AIRE: variants seen among roughly 807,000 people sequenced by gnomAD.
AIRE encodes autoimmune polyendocrinopathy candidiasis ectodermal dystrophy protein.
AIRE carries 52 observed loss-of-function variants against 62.1 expected under a neutral mutation model. That is an observed-to-expected ratio of 0.84 (90% confidence interval 0.67 to 1.06). The LOEUF (loss-of-function observed/expected upper bound fraction) is 1.06. Among genes scored for constraint, AIRE ranks in the 50% least tolerant of loss-of-function variants. The pLI is 0.00. For synonymous variants in AIRE, 342 were observed against 321.6 expected (o/e 1.06, Z -0.68); for missense variants, 774 against 755.8 (o/e 1.02, Z -0.28).
At chr21:44,292,880 G>A in intron 9 of AIRE, 113 bp from the exon 10 acceptor site, 1 of 925,734 alleles carries the variant, frequency 1.1e-6, no homozygotes, top group Non-Finnish European at 1.7e-6. Context: ...CACCATGCCA[G>A]GCCTCTGCCC....
chr21:44,293,090 C>G lies in AIRE; in HGVS notation c.1193C>G (p.Pro398Arg), dbSNP rs754391375. Residue 398 changes from proline (P) to arginine (R), a missense_variant, in exon 10 of 14, where the codon CCG (proline) becomes CGG (arginine). Coordinates refer to ENST00000291582, the MANE Select transcript of AIRE (RefSeq NM_000383.4). The part of the protein sequence containing the change: ...MDTTLVYKHL[P>R]APPSAAPLPG... ...ACGACTCTTGTCTACAAGCACCTGC[C>G]GGCTCCGCCTTCTGCAGCCCCGCTG... 12 of 1,611,086 alleles carry G rather than the reference C, an allele frequency of 7.4e-6. No homozygotes were observed. Among genetic ancestry groups the G allele is most frequent in the East Asian group, 2.2e-5 (1 of 44,840 alleles).
Position 44,293,146 on chromosome 21 carries a change from C to T in AIRE, c.1249C>T (p.Leu417=), listed in dbSNP as rs1248107084. The change falls in exon 10 of 14, where the codon CTA becomes TTA. Residue 417 remains leucine (L), a synonymous_variant. Coordinates refer to ENST00000291582, the MANE Select transcript of AIRE (RefSeq NM_000383.4). ...PGLDSSALHP[L]LCVGPEGQQN... ...GCTGGACTCCTCGGCCCTGCACCCC[C>T]TACTGTGTGTGGGTCCTGAGGGTCA... 10 of 1,580,848 alleles carry T rather than the reference C, an allele frequency of 6.3e-6. No homozygotes were observed. The highest frequency in any genetic ancestry group is 8.6e-6 in the Non-Finnish European group (10 of 1,163,612).
intron 4 of AIRE, 76 bp from the exon 5 acceptor site, chr21:44,288,269 C>A: frequency 8.1e-7 from 1 of 1,235,112 alleles, no homozygotes; most frequent in Non-Finnish European, 1.2e-6. Context: ...CCCAGTGCTG[C>A]CTGCTTCTGG....
At chr21:44,296,720 C>A (rs1023077987) in intron 13 of AIRE, among the ~76,000 whole-genome samples, 5 of 144,618 alleles carry the variant, frequency 3.5e-5, no homozygotes, top group African/African-American at 1.3e-4. Flanking sequence ...CCCTCCCCAA[C>A]AAGAGCCCCC....
At chr21:44,292,530 T>G in intron 9 of AIRE, 129 bp downstream of exon 9, 4 of 666,424 alleles carry the variant, frequency 6.0e-6, no homozygotes, top group Non-Finnish European at 8.0e-6. Flanking sequence ...GCCCCAGCCA[T>G]AGCACTATGT....
rs936060777 is a variant in AIRE, at chr21:44,286,851, G to A, written c.307+120G>A. ...AGCCCGTGGGTGATGTTCCAGGACC[G>A]TCTTGGATCCTAAGAGGCAAAGGGG... On this transcript the variant is annotated intron_variant, in intron 2 of 13. Coordinates refer to ENST00000291582, the MANE Select transcript of AIRE (RefSeq NM_000383.4). This position sits in a 1 kb window ranked among gnomAD's most constrained non-coding sequence, Gnocchi z 6.0. 1.2e-5 allele frequency: 19 copies of A among 1,564,880 alleles called. No individual in the cohort carries two copies. Among genetic ancestry groups the A allele is most frequent in the Middle Eastern group, 1.8e-4 (1 of 5,708 alleles).
rs1048575175 is a variant in AIRE at position 44,294,393 on chromosome 21, T to C, written c.1401-8T>C. The C allele has an allele frequency of 6.4e-7, 1 of 1,551,652 alleles. No homozygotes were observed. The highest frequency in any genetic ancestry group is 8.7e-7 in the Non-Finnish European group (1 of 1,154,232). Reference sequence around the variant, plus strand: ...CCAGGGCTGGCAGCCCCTCATCCTCTGCTGCAGGACGGGCCTGCGCTGCAG... The same window carrying C: ...CCAGGGCTGGCAGCCCCTCATCCTCCGCTGCAGGACGGGCCTGCGCTGCAG... On this transcript the variant is annotated splice_polypyrimidine_tract_variant and splice_region_variant and intron_variant, in intron 11 of 13. Coordinates refer to ENST00000291582, the MANE Select transcript of AIRE (RefSeq NM_000383.4).
intron 12 of AIRE, among the ~76,000 whole-genome samples, chr21:44,295,965 G>C (rs546240527): frequency 6.6e-6 from 1 of 152,206 alleles, no homozygotes; most frequent in South Asian, 2.1e-4. Flanking sequence ...GGGGGTGCCT[G>C]CCTGGGGACC....
Position 44,287,139 on chromosome 21 carries a change from C to G in AIRE, c.463+6C>G, listed in dbSNP as rs2146376456. 1 of 1,612,052 alleles carries G rather than the reference C, an allele frequency of 6.2e-7. No individual in the cohort carries two copies. The highest frequency in any genetic ancestry group is 8.5e-7 in the Non-Finnish European group (1 of 1,179,872). ...AAGGGGCACCGCCAGCCCAGGTACC[C>G]TCCCTGCAGGGGAAGCCAGCCAGGG... On this transcript the variant is annotated splice_donor_region_variant and intron_variant, in intron 3 of 13. Transcript: ENST00000291582. The surrounding 1 kb of genome is among the most constrained non-coding windows in gnomAD (Gnocchi z 4.3).
chr21:44,296,485 C>G (rs752306669), intron 13 of AIRE, 40 bp downstream of exon 13: 3 of 1,572,584 alleles, frequency 1.9e-6, no homozygotes, highest in Admixed American at 3.3e-5. Flanking sequence ...CTCCACTCCC[C>G]CTCCCCTGCC....
intron 5 of AIRE, chr21:44,289,325 C>T (rs373621797): frequency 5.6e-6 from 2 of 359,802 alleles, no homozygotes; most frequent in East Asian, 5.5e-5. Flanking sequence ...CTGTCTCCCA[C>T]GTGTCCTCTT....
Position 44,286,282 on chromosome 21 carries a change from C to G in AIRE, c.132+144C>G. On this transcript the variant is annotated intron_variant, in intron 1 of 13. Coordinates refer to ENST00000291582, the MANE Select transcript of AIRE (RefSeq NM_000383.4). The surrounding 1 kb of genome is among the most constrained non-coding windows in gnomAD (Gnocchi z 6.0). The stretch of plus-strand genomic sequence containing the variant: ...CTCCCTCCCCACAAGGAGCCAGGGG[C>G]GTCCCTGATGACAAGTTAGAAGTTG... 1 of 999,700 alleles carries G rather than the reference C, an allele frequency of 1.0e-6. No individual in the cohort carries two copies. 61.9% of individuals were successfully genotyped at this position (999,700 alleles called of 1,614,324 possible).
chr21:44,294,560 G>C, intron 12 of AIRE, 57 bp downstream of exon 12: 1 of 1,035,382 alleles, frequency 9.7e-7, no homozygotes, highest in Non-Finnish European at 1.3e-6. Context: ...GAACCCCTTG[G>C]GTTGGTGTTG....
At chr21:44,289,927 C>G in intron 6 of AIRE, 61 bp from the exon 7 acceptor site, 1 of 1,595,382 alleles carries the variant, frequency 6.3e-7, no homozygotes, top group Non-Finnish European at 8.6e-7. Flanking sequence ...CCTGGTGCCA[C>G]AGCCATGTGC....
At position 44,297,278 on chromosome 21, in the gene AIRE, G is replaced by A. The variant is rs1000549864; in HGVS notation, c.1567-378G>A. 9.2e-5 allele frequency among the ~76,000 whole-genome samples: 14 copies of A among 152,214 alleles called. No individual in the cohort carries two copies. Among genetic ancestry groups the A allele is most frequent in the Non-Finnish European group, 1.6e-4 (11 of 68,018 alleles). On this transcript the variant is annotated intron_variant, in intron 13 of 13. Coordinates refer to ENST00000291582, the MANE Select transcript of AIRE (RefSeq NM_000383.4). This position sits in a 1 kb window ranked among gnomAD's most constrained non-coding sequence, Gnocchi z 4.8. ...TGGCCCCATCCTGTGGGAGCATCAGGCTCCTGAGCAGAATAAGTAGCTGGC... is the reference window on the plus strand; with the variant it reads ...TGGCCCCATCCTGTGGGAGCATCAGACTCCTGAGCAGAATAAGTAGCTGGC...
Position 44,295,520 on chromosome 21 carries a change from C to T in AIRE, c.1504-863C>T, listed in dbSNP as rs76165312. On this transcript the variant is annotated intron_variant, in intron 12 of 13. Coordinates refer to ENST00000291582, the MANE Select transcript of AIRE (RefSeq NM_000383.4). ...GCCCAGCCGGGCATATACGCAGATG[C>T]CCCTCCCTAACCCCAGGCAGCTTTC... is the stretch of plus-strand genomic sequence containing the variant. Among the ~76,000 whole-genome samples, 453 of 152,334 alleles carry T rather than the reference C, an allele frequency of 3.0e-3. 3 individuals carry two copies. Among genetic ancestry groups the T allele is most frequent in the African/African-American group, 0.01 (429 of 41,566 alleles).
Position 44,286,425 on chromosome 21 carries a change from G to C in AIRE, c.133-132G>C. 1 of 1,039,322 alleles carries C rather than the reference G, an allele frequency of 9.6e-7. No individual in the cohort carries two copies. Among genetic ancestry groups the C allele is most frequent in the Non-Finnish European group, 1.4e-6 (1 of 715,048 alleles). 64.4% of individuals were successfully genotyped at this position (1,039,322 alleles called of 1,614,324 possible). On this transcript the variant is annotated intron_variant, in intron 1 of 13. Transcript: ENST00000291582. This position sits in a 1 kb window ranked among gnomAD's most constrained non-coding sequence, Gnocchi z 6.0. ...ACCACCTGACTCCACCACAAGCCGA[G>C]GAGATGGGCGTGGAGCTGTCCAGGT...
At chr21:44,291,232 C>T (rs747034666) in intron 8 of AIRE, 22 bp downstream of exon 8, 34 of 1,597,124 alleles carry the variant, frequency 2.1e-5, no homozygotes, top group South Asian at 7.7e-5. Context: ...CCTCTGCCAG[C>T]GCAACCAGGC....
At chr21:44,293,751 CG>C (rs762753888) in intron 10 of AIRE, 37 bp from the exon 11 acceptor site, 1 of 1,594,808 alleles carries the variant, frequency 6.3e-7, no homozygotes, top group Non-Finnish European at 8.5e-7. Context: ...ACATTTCCCC[CG>C]GCCCCCCGCG....
Sources: allele counts gnomAD v4.1 joint callset (sites outside exome capture counted in the v4.1 genomes callset), GRCh38; gene constraint gnomAD v4.1.1; non-coding constraint Gnocchi (gnomAD v3.1); transcripts MANE v1.5; gene names NCBI Gene and HGNC (gene_info 2026-07-23, HGNC 2026-07-21).